Variants in TENM2 observed in about 807,000 individuals in gnomAD.
The protein encoded by TENM2 is teneurin transmembrane protein 2, also known as teneurin-2.
TENM2 carries 52 observed loss-of-function variants against 245.2 expected under a neutral mutation model. The observed-to-expected ratio is 0.21, with a 90% confidence interval of 0.17 to 0.27. The LOEUF is 0.27. Among genes scored for constraint, TENM2 ranks in the 10% least tolerant of loss-of-function variants. The pLI, the probability that TENM2 is intolerant of heterozygous loss-of-function variation, is 1.00. For synonymous variants in TENM2, 1,363 were observed against 1,438.9 expected, an observed-to-expected ratio of 0.95 and a Z score of 1.19; for missense variants, 3,046 against 3,666.8, an observed-to-expected ratio of 0.83 and a Z score of 4.37.
chr5:167,950,542 G>C (rs1346928109), intron 3 of TENM2, among the ~76,000 whole-genome samples: 1 of 152,052 alleles, frequency 6.6e-6, no homozygotes, highest in Non-Finnish European at 1.5e-5. Context: ...GCACTGACCC[G>C]CCCCATCTTC....
At chr5:167,710,665 A>T (rs1561695603) in intron 2 of TENM2, among the ~76,000 whole-genome samples, 1 of 152,238 alleles carries the variant, frequency 6.6e-6, no homozygotes. Flanking sequence ...GTAGGGAAAG[A>T]TGAAAGGGCA....
At chr5:167,539,633 G>A (rs1162169322) in intron 2 of TENM2, among the ~76,000 whole-genome samples, 10 of 152,122 alleles carry the variant, frequency 6.6e-5, no homozygotes, top group South Asian at 2.1e-4. Context: ...AAGTAGGACT[G>A]GTTGATCAAG....
the TENM2 span, among the ~76,000 whole-genome samples, chr5:167,134,303 GC>G: frequency 6.6e-6 from 1 of 152,130 alleles, no homozygotes; most frequent in African/African-American, 2.4e-5. Context: ...ATATTGGACA[GC>G]TTTTTCACTA....
chr5:167,193,551 T>C, the TENM2 span, among the ~76,000 whole-genome samples: 1 of 151,996 alleles, frequency 6.6e-6, no homozygotes, highest in Non-Finnish European at 1.5e-5. Flanking sequence ...CTTCTCTATT[T>C]TTTACATAAA....
At chr5:167,362,327 G>GTTGATTTAA (rs1368547611) in intron 1 of TENM2, among the ~76,000 whole-genome samples, 2 of 152,186 alleles carry the variant, frequency 1.3e-5, no homozygotes, top group Non-Finnish European at 2.9e-5. Flanking sequence ...AATTGGTGAT[G>GTTGATTTAA]AGGCAGTTGA....
chr5:168,184,322 A>G (rs923559186), intron 13 of TENM2, among the ~76,000 whole-genome samples: 4 of 152,164 alleles, frequency 2.6e-5, no homozygotes, highest in African/African-American at 4.8e-5. Flanking sequence ...CCAGTCCCCA[A>G]CCAGCAGCTG....
At chr5:167,420,320 C>T (rs969968664) in intron 2 of TENM2, among the ~76,000 whole-genome samples, 2 of 152,126 alleles carry the variant, frequency 1.3e-5, no homozygotes, top group South Asian at 4.1e-4. Context: ...CTTTCTGGGA[C>T]CAAATAAACT....
chr5:168,245,359 A>G (rs1407515904), intron 26 of TENM2, among the ~76,000 whole-genome samples: 1 of 152,124 alleles, frequency 6.6e-6, no homozygotes, highest in East Asian at 1.9e-4. Context: ...ATCATTACTT[A>G]TGAATTGGAA....
chr5:167,276,350 TTTTGTGTGTGTGTGTGTGTGTGTG>T, the TENM2 span, among the ~76,000 whole-genome samples: 1 of 143,622 alleles, frequency 7.0e-6, no homozygotes, highest in South Asian at 2.2e-4. Flanking sequence ...AGCCTGTTCA[TTTTGTGTGTGTGTGTGTGTGTGTG>T]TGTGTGTGTG....
chr5:167,800,888 G>A (rs1765660459), intron 2 of TENM2, among the ~76,000 whole-genome samples: 1 of 151,768 alleles, frequency 6.6e-6, no homozygotes, highest in Non-Finnish European at 1.5e-5. Flanking sequence ...CAATGCAAAA[G>A]ATATAGCCAG....
rs147305003 is a variant in TENM2, at chr5:167,422,650, G to A, written c.502+47177G>A. ...AGAATTGTGAGTTAATAAGATGCAT[G>A]CCACTGATAGCAACAGTCTATTTGA... On this transcript the variant is annotated intron_variant, in intron 2 of 28. Transcript: ENST00000518659. Among the ~76,000 whole-genome samples, 36 of 152,270 alleles carry A rather than the reference G, an allele frequency of 2.4e-4. No homozygotes were observed. The East Asian group carries it at 6.6e-3, about 28-fold the overall frequency.
intron 2 of TENM2, among the ~76,000 whole-genome samples, chr5:167,867,924 T>C (rs12519322): frequency 5.3e-5 from 8 of 152,190 alleles, no homozygotes; most frequent in Admixed American, 5.2e-4. Context: ...TCCCCAATGG[T>C]AGGTTAAGTT....
the TENM2 span, among the ~76,000 whole-genome samples, chr5:167,017,805 C>T: frequency 6.6e-6 from 1 of 151,986 alleles, no homozygotes; most frequent in East Asian, 1.9e-4. Context: ...TGCGTGATGC[C>T]ATAGCATTCT....
At chr5:167,627,211 C>G (rs1582584766) in intron 2 of TENM2, among the ~76,000 whole-genome samples, 1 of 152,052 alleles carries the variant, frequency 6.6e-6, no homozygotes, top group African/African-American at 2.4e-5. Flanking sequence ...GAATTCAGTG[C>G]AATTACCCTA....
At chr5:167,206,027 C>T in the TENM2 span, among the ~76,000 whole-genome samples, 4 of 152,298 alleles carry the variant, frequency 2.6e-5, no homozygotes, top group Non-Finnish European at 2.9e-5. Context: ...CCCAATTTCA[C>T]GGTCAAATGA....
chr5:167,358,613 T>C (rs571797834), intron 1 of TENM2, among the ~76,000 whole-genome samples: 1 of 152,134 alleles, frequency 6.6e-6, no homozygotes, highest in African/African-American at 2.4e-5. Flanking sequence ...CTTTTCTATC[T>C]ACATTTATTC....
At chr5:167,027,889 G>C in the TENM2 span, among the ~76,000 whole-genome samples, 1 of 151,940 alleles carries the variant, frequency 6.6e-6, no homozygotes, top group Non-Finnish European at 1.5e-5. Context: ...GACCAGCCTG[G>C]CCAACATGGT....
chr5:167,775,626 G>T (rs1293644387), intron 2 of TENM2, among the ~76,000 whole-genome samples: 1 of 152,030 alleles, frequency 6.6e-6, no homozygotes, highest in East Asian at 1.9e-4. Flanking sequence ...CATTATTCAA[G>T]ATTCAATAAA....
intron 3 of TENM2, among the ~76,000 whole-genome samples, chr5:167,915,392 T>C (rs187641494): frequency 1.3e-5 from 2 of 152,170 alleles, no homozygotes; most frequent in African/African-American, 4.8e-5. Flanking sequence ...TGAGCTTTCA[T>C]GTAAGGTGTC....
Sources: allele counts gnomAD v4.1 joint callset (sites outside exome capture counted in the v4.1 genomes callset), GRCh38; gene constraint gnomAD v4.1.1; transcripts MANE v1.5; gene names NCBI Gene and HGNC (gene_info 2026-07-23, HGNC 2026-07-21).